CEP85L: variants seen among roughly 807,000 people sequenced by gnomAD.
CEP85L encodes centrosomal protein of 85 kDa-like.
Under a neutral mutation model 100.3 loss-of-function variants are expected in CEP85L, and 60 were observed. The ratio of observed to expected loss-of-function variants is 0.60; its 90% CI spans 0.49 to 0.74. The LOEUF (loss-of-function observed/expected upper bound fraction) is 0.74. Among genes scored for constraint, CEP85L ranks in the 30% least tolerant of loss-of-function variants. The probability of loss-of-function intolerance (pLI) is 0.00; values close to 1 mark genes in which losing one functional copy is unlikely to be tolerated. For missense variants in CEP85L, 973 were observed against 936.2 expected (o/e 1.04, Z -0.51); for synonymous variants, 319 against 322.7 (o/e 0.99, Z 0.12).
chr6:118,572,272 TAAAAAAAA>T (rs572307069), intron 2 of CEP85L, among the ~76,000 whole-genome samples: 47 of 107,646 alleles, frequency 4.4e-4, no homozygotes, highest in Non-Finnish European at 6.5e-4. Context: ...ACCCATTCTT[TAAAAAAAA>T]AAAAAAAAAA....
intron 1 of CEP85L, among the ~76,000 whole-genome samples, chr6:118,650,820 G>A (rs1185533653): frequency 1.3e-5 from 2 of 152,276 alleles, no homozygotes; most frequent in African/African-American, 4.8e-5. Flanking sequence ...CGACCTTCCC[G>A]CCCGGGTCCC....
chr6:118,582,181 T>TA (rs1226641013), intron 2 of CEP85L, among the ~76,000 whole-genome samples: 2 of 152,184 alleles, frequency 1.3e-5, no homozygotes, highest in Non-Finnish European at 2.9e-5. Flanking sequence ...CAGTATATCC[T>TA]ACTCTCCCCG....
At chr6:118,563,602 T>C (rs1435755836) in intron 3 of CEP85L, among the ~76,000 whole-genome samples, 2 of 152,122 alleles carry the variant, frequency 1.3e-5, no homozygotes, top group African/African-American at 2.4e-5. Flanking sequence ...AGAAAATCAG[T>C]GTTTCTATGA....
chr6:118,487,102 T>C (rs761058466), intron 6 of CEP85L, among the ~76,000 whole-genome samples: 1 of 150,284 alleles, frequency 6.7e-6, no homozygotes, highest in Non-Finnish European at 1.5e-5. Context: ...AAAGGAGGAG[T>C]AGAAGGGAAA....
At chr6:118,560,448 T>C (rs554637487) in intron 3 of CEP85L, 1 of 167,156 alleles carries the variant, frequency 6.0e-6, no homozygotes, top group South Asian at 2.1e-4. Flanking sequence ...TCTCATTGTC[T>C]TCACATTGAG....
At position 118,651,394 on chromosome 6, in the gene CEP85L, A is replaced by C; in HGVS notation, c.-125T>G. 7.4e-7 allele frequency: 1 copy of C among 1,354,902 alleles called. No individual in the cohort carries two copies. The highest frequency in any genetic ancestry group is 9.5e-7 in the Non-Finnish European group (1 of 1,056,682). The allele number at this position is 1,354,902 out of a possible 1,614,324, so 83.9% of individuals were successfully genotyped here. On this transcript the variant is annotated 5_prime_UTR_variant, in exon 1 of 13. Transcript: ENST00000368491. Reference sequence around the variant, plus strand: ...CGACACGGGCAGGAGGAAAGGCGGGATGGCTGGTTAACGGCTGCTCAGCTA... The same window carrying C: ...CGACACGGGCAGGAGGAAAGGCGGGCTGGCTGGTTAACGGCTGCTCAGCTA...
intron 1 of CEP85L, among the ~76,000 whole-genome samples, chr6:118,699,427 C>T (rs1214944441): frequency 6.7e-6 from 1 of 150,136 alleles, no homozygotes; most frequent in African/African-American, 2.5e-5. Flanking sequence ...TGCATGTCAG[C>T]CTGGATGACA....
chr6:118,650,417 C>A (rs1469126109), intron 1 of CEP85L, among the ~76,000 whole-genome samples: 1 of 152,156 alleles, frequency 6.6e-6, no homozygotes, highest in African/African-American at 2.4e-5. Flanking sequence ...CTGAGCGACG[C>A]AAGCATGAAA....
rs1292144917 is a variant in CEP85L, at chr6:118,462,049, C to T, written c.*3356G>A. On this transcript the variant is annotated 3_prime_UTR_variant, in exon 13 of 13. Transcript: ENST00000368491. Reference sequence around the variant, plus strand: ...TCCTCTAAGAAATTAATAATTCTTGCACTATGAAAGAATTACTTTATAAGC... The same window carrying T: ...TCCTCTAAGAAATTAATAATTCTTGTACTATGAAAGAATTACTTTATAAGC... The T allele has an allele frequency of 1.3e-5, 2 of 151,952 alleles. No individual in the cohort carries two copies. The highest frequency in any genetic ancestry group is 1.9e-4 in the East Asian group (1 of 5,188). 9.4% of individuals were successfully genotyped at this position (151,952 alleles called of 1,614,324 possible). A position where few individuals can be genotyped will look rare whatever the true frequency, so the allele number is the denominator to read the frequency against.
chr6:118,485,563 T>C (rs1336407395), intron 6 of CEP85L, among the ~76,000 whole-genome samples: 2 of 152,242 alleles, frequency 1.3e-5, no homozygotes, highest in Admixed American at 6.5e-5. Flanking sequence ...CAGTTTACCC[T>C]GTGATCTATC....
intron 2 of CEP85L, among the ~76,000 whole-genome samples, chr6:118,577,724 A>T (rs1158292300): frequency 6.6e-6 from 1 of 152,202 alleles, no homozygotes; most frequent in African/African-American, 2.4e-5. Context: ...TTGGGGCCCA[A>T]TGCTTACAGA....
intron 2 of CEP85L, among the ~76,000 whole-genome samples, chr6:118,600,816 T>A (rs561933034): frequency 7.4e-6 from 1 of 135,930 alleles, no homozygotes; most frequent in Non-Finnish European, 1.6e-5. Flanking sequence ...AAAAAAAAAA[T>A]CTTGAGTTTT....
rs138925552 is a variant in CEP85L at position 118,628,637 on chromosome 6, A to AAAACAAAC, written c.232+3808_232+3815dup. Among the ~76,000 whole-genome samples the AAAACAAAC allele has an allele frequency of 2.6e-3, 399 of 150,578 alleles. 12 individuals carry two copies. Among genetic ancestry groups the AAAACAAAC allele is most frequent in the East Asian group, 9.8e-4 (5 of 5,126 alleles). ...GCAACAGAGCAAGACTCCATCCAAA[A>AAAACAAAC]AAACAAACAAACAAACAAACAAACA... On this transcript the variant is annotated intron_variant, in intron 2 of 12. Coordinates refer to ENST00000368491, the MANE Select transcript of CEP85L (RefSeq NM_001042475.3).
chr6:118,482,904 T>C (rs1773892204), intron 7 of CEP85L, among the ~76,000 whole-genome samples: 2 of 152,188 alleles, frequency 1.3e-5, no homozygotes, highest in South Asian at 4.1e-4. Context: ...GATTAGATTC[T>C]TGAGTGGGGG....
intron 6 of CEP85L, among the ~76,000 whole-genome samples, chr6:118,490,918 G>C (rs1009474547): frequency 6.6e-6 from 1 of 151,030 alleles, no homozygotes; most frequent in Non-Finnish European, 1.5e-5. Flanking sequence ...TTTCTTTATC[G>C]ATTCTTTGCT....
chr6:118,648,988 T>A (rs188256974), intron 1 of CEP85L, among the ~76,000 whole-genome samples: 1 of 151,876 alleles, frequency 6.6e-6, no homozygotes, highest in East Asian at 1.9e-4. Context: ...CTGAACAATA[T>A]TTCAAAAATA....
intron 2 of CEP85L, among the ~76,000 whole-genome samples, chr6:118,632,099 C>G (rs1259304064): frequency 6.6e-6 from 1 of 152,162 alleles, no homozygotes; most frequent in Non-Finnish European, 1.5e-5. Flanking sequence ...ACGCCATTCT[C>G]GTGCCTCAGC....
intron 3 of CEP85L, among the ~76,000 whole-genome samples, chr6:118,548,792 A>G (rs1262115211): frequency 6.6e-6 from 1 of 152,108 alleles, no homozygotes; most frequent in African/African-American, 2.4e-5. Flanking sequence ...TCTGCTGAGA[A>G]ACAGTGCAGA....
intron 3 of CEP85L, among the ~76,000 whole-genome samples, chr6:118,551,899 C>G (rs951784251): frequency 4.6e-5 from 7 of 151,950 alleles, no homozygotes; most frequent in African/African-American, 1.2e-4. Flanking sequence ...TGTAAGCCAA[C>G]AGATTCATCG....
Sources: gnomAD v4.1 joint callset for allele counts (sites outside exome capture counted in the v4.1 genomes callset) on GRCh38, gnomAD v4.1.1 for gene constraint, MANE v1.5 for transcripts, NCBI Gene and HGNC (gene_info 2026-07-23, HGNC 2026-07-21) for gene names.